AHR: variants seen among roughly 807,000 people sequenced by gnomAD.
AHR encodes AH-receptor.
AHR carries 40 observed loss-of-function variants against 86.8 expected under a neutral mutation model. The observed-to-expected ratio is 0.46, with a 90% CI of 0.36 to 0.60. The LOEUF (loss-of-function observed/expected upper bound fraction) is 0.60, where lower values mean the gene tolerates loss of function less well. AHR is among the 20% of genes least tolerant of loss of function. AHR has a pLI of 0.00. For synonymous variants in AHR, 398 were observed against 354.9 expected (o/e 1.12, Z -1.37); for missense variants, 1,001 against 1,011.6 (o/e 0.99, Z 0.14).
chr7:17,324,788 C>T (rs894518083), intron 3 of AHR, among the ~76,000 whole-genome samples: 28 of 148,348 alleles, frequency 1.9e-4, no homozygotes, highest in South Asian at 8.5e-4. Flanking sequence ...GGTGACAATG[C>T]GAGACTCCAT....
Position 17,319,057 on chromosome 7 carries a change from C to A in AHR, c.254-3444C>A, listed in dbSNP as rs145694497. ...GTTCAAACCCATGTTGTTCAAGGGT[C>A]AGCTGTACTTTCAAATGTGTCATAT... On this transcript the variant is annotated intron_variant, in intron 2 of 10. Coordinates refer to ENST00000242057, the MANE Select transcript of AHR (RefSeq NM_001621.5). 1.1e-3 allele frequency among the ~76,000 whole-genome samples: 172 copies of A among 152,174 alleles called. 1 individual carries two copies. Among genetic ancestry groups the A allele is most frequent in the African/African-American group, 4.0e-3 (168 of 41,516 alleles).
chr7:17,303,674 C>T (rs961876904), intron 1 of AHR, among the ~76,000 whole-genome samples: 11 of 151,810 alleles, frequency 7.2e-5, no homozygotes, highest in Admixed American at 3.9e-4. Flanking sequence ...ATTTTATTCC[C>T]AACCATTTAA....
chr7:17,326,639 G>A (rs752978831), intron 3 of AHR, among the ~76,000 whole-genome samples: 13 of 152,136 alleles, frequency 8.5e-5, no homozygotes, highest in Non-Finnish European at 1.5e-4. Flanking sequence ...GTGGGATATC[G>A]TCATTATATC....
intron 7 of AHR, among the ~76,000 whole-genome samples, chr7:17,334,406 T>C (rs1782333548): frequency 6.6e-6 from 1 of 152,012 alleles, no homozygotes; most frequent in South Asian, 2.1e-4. Flanking sequence ...ATGGCACAAA[T>C]GTTATTTGAT....
chr7:17,331,210 C>T (rs953458856), intron 6 of AHR, among the ~76,000 whole-genome samples: 2 of 151,830 alleles, frequency 1.3e-5, no homozygotes, highest in African/African-American at 2.4e-5. Context: ...TTAGGCTTTC[C>T]GTTAGCTTAT....
At chr7:17,313,072 A>G (rs938218754) in intron 2 of AHR, among the ~76,000 whole-genome samples, 31 of 152,184 alleles carry the variant, frequency 2.0e-4, no homozygotes, top group South Asian at 4.1e-4. Flanking sequence ...CAGCCTAAGC[A>G]GTTTCTTAGA....
intron 1 of AHR, among the ~76,000 whole-genome samples, chr7:17,306,232 C>A (rs1285076779): frequency 6.6e-6 from 1 of 152,000 alleles, no homozygotes; most frequent in Non-Finnish European, 1.5e-5. Flanking sequence ...TTAGCGTAAT[C>A]CAAGTCAAGT....
chr7:17,314,607 GT>G (rs1311923942), intron 2 of AHR, among the ~76,000 whole-genome samples: 1 of 151,954 alleles, frequency 6.6e-6, no homozygotes, highest in African/African-American at 2.4e-5. Flanking sequence ...AATTTCAGTT[GT>G]TTTGGTATCT....
rs1782458363 is a variant in AHR at position 17,344,265 on chromosome 7, T to G, written c.*1201T>G. 2 of 152,794 alleles carry G rather than the reference T, an allele frequency of 1.3e-5. No homozygotes were observed. The highest frequency in any genetic ancestry group is 4.8e-5 in the African/African-American group (2 of 41,462). The allele number at this position is 152,794 out of a possible 1,614,324, so 9.5% of individuals were successfully genotyped here. ...ATTTGAGGAGTGTTAAGATTGCAGA[T>G]AGCAAGGTTTGGTGCAAAGTATTGT... On this transcript the variant is annotated 3_prime_UTR_variant, in exon 11 of 11. Coordinates refer to ENST00000242057, the MANE Select transcript of AHR (RefSeq NM_001621.5).
chr7:17,302,070 T>C (rs1042243534), intron 1 of AHR, among the ~76,000 whole-genome samples: 1 of 151,960 alleles, frequency 6.6e-6, no homozygotes, highest in Non-Finnish European at 1.5e-5. Context: ...AAATAGAATG[T>C]TTTTCCCTAG....
rs1251557170 is a variant in AHR at position 17,345,424 on chromosome 7, C to G, written c.*2360C>G. 6.6e-6 allele frequency: 1 copy of G among 152,462 alleles called. No homozygotes were observed. 9.4% of individuals were successfully genotyped at this position (152,462 alleles called of 1,614,324 possible). On this transcript the variant is annotated 3_prime_UTR_variant, in exon 11 of 11. Coordinates refer to ENST00000242057, the MANE Select transcript of AHR (RefSeq NM_001621.5). The stretch of plus-strand genomic sequence containing the variant: ...GAGTTCTGTGTATTTTCAGTCAAAA[C>G]TTTAAACCTGTAGAATCAATTTAAG...
In AHR at chr7:17,339,615, C is replaced by T. The variant is rs1782396652; in HGVS notation, c.1790C>T (p.Ser597Leu). The T allele has an allele frequency of 6.2e-7, 1 of 1,613,982 alleles. No homozygotes were observed. Among genetic ancestry groups the T allele is most frequent in the Non-Finnish European group, 8.5e-7 (1 of 1,180,050 alleles). ...TTAAGTAAGTCTCCCTTCATACCTT[C>T]AGATTATCAACAGCAACAGTCCTTG... Reference protein sequence around the residue: ...DSLSKSPFIPSDYQQQQSLAL... With the variant: ...DSLSKSPFIPLDYQQQQSLAL... Residue 597 changes from serine (S) to leucine (L), a missense_variant, in exon 10 of 11, where the codon TCA becomes TTA. Physicochemically the swap from Ser to Leu is moderately radical, Grantham distance 145. Coordinates refer to ENST00000242057, the MANE Select transcript of AHR (RefSeq NM_001621.5).
At chr7:17,341,121 A>G (rs1782419278) in intron 10 of AHR, among the ~76,000 whole-genome samples, 1 of 152,160 alleles carries the variant, frequency 6.6e-6, no homozygotes, top group Non-Finnish European at 1.5e-5. Flanking sequence ...GAATATCTTG[A>G]CTAAAATTAA....
chr7:17,338,987 G>A lies in AHR; in HGVS notation c.1162G>A (p.Asp388Asn), dbSNP rs1782386133. 6.3e-7 allele frequency: 1 copy of A among 1,593,160 alleles called. No homozygotes were observed. The highest frequency in any genetic ancestry group is 1.3e-5 in the African/African-American group (1 of 74,098). ...AGACTTTTTTGTACACAATTTTAGA[G>A]ATGAGGAAGGAACAGAGCATTTACG... ...YIIVTQRPLT[D>N]EEGTEHLRKR... The change falls in exon 10 of 11, where the codon GAT becomes AAT. Residue 388 changes from aspartate to asparagine, a missense_variant and splice_region_variant. Asp to Asn is a conservative substitution (Grantham distance 23). Coordinates refer to ENST00000242057, the MANE Select transcript of AHR (RefSeq NM_001621.5).
intron 2 of AHR, among the ~76,000 whole-genome samples, chr7:17,321,901 A>G (rs2115359058): frequency 6.6e-6 from 1 of 152,080 alleles, no homozygotes; most frequent in East Asian, 1.9e-4. Context: ...GATTATAAAG[A>G]CATTAATTCT....
At chr7:17,311,692 A>G (rs1413171427) in intron 2 of AHR, among the ~76,000 whole-genome samples, 1 of 152,204 alleles carries the variant, frequency 6.6e-6, no homozygotes, top group Non-Finnish European at 1.5e-5. Context: ...TCTCTGACCT[A>G]TATAAAAAGT....
At chr7:17,326,011 C>T (rs932718747) in intron 3 of AHR, among the ~76,000 whole-genome samples, 5 of 152,126 alleles carry the variant, frequency 3.3e-5, no homozygotes, top group African/African-American at 1.2e-4. Context: ...CACATAAAGG[C>T]AGCATATCAT....
Position 17,329,949 on chromosome 7 carries a change from T to C in AHR, c.451-3T>C, listed in dbSNP as rs1268019994. The C allele has an allele frequency of 6.3e-7, 1 of 1,597,428 alleles. No individual in the cohort carries two copies. Among genetic ancestry groups the C allele is most frequent in the African/African-American group, 1.3e-5 (1 of 74,104 alleles). ...TTGTATTCCTTGTATCTTTTTTCTTTAGTCTGATGTCATACATCAGAGTGT... is the reference window on the plus strand; with the variant it reads ...TTGTATTCCTTGTATCTTTTTTCTTCAGTCTGATGTCATACATCAGAGTGT... On this transcript the variant is annotated splice_region_variant and splice_polypyrimidine_tract_variant and intron_variant, in intron 4 of 10. Coordinates refer to ENST00000242057, the MANE Select transcript of AHR (RefSeq NM_001621.5).
chr7:17,298,973 C>A lies in AHR; in HGVS notation c.-292C>A, dbSNP rs1781922319. 4.5e-6 allele frequency: 2 copies of A among 444,238 alleles called. No individual in the cohort carries two copies. Among genetic ancestry groups the A allele is most frequent in the Non-Finnish European group, 7.8e-6 (2 of 255,878 alleles). The allele number at this position is 444,238 out of a possible 1,614,324, so 27.5% of individuals were successfully genotyped here. ...ACCTGCGGGCATTGCCGCGCCGCCTCCGCCGGTGTAGACGGCACCTGCGCC... is the reference window on the plus strand; with the variant it reads ...ACCTGCGGGCATTGCCGCGCCGCCTACGCCGGTGTAGACGGCACCTGCGCC... On this transcript the variant is annotated 5_prime_UTR_variant, in exon 1 of 11. Coordinates refer to ENST00000242057, the MANE Select transcript of AHR (RefSeq NM_001621.5).
Sources: allele counts gnomAD v4.1 joint callset (sites outside exome capture counted in the v4.1 genomes callset), GRCh38; gene constraint gnomAD v4.1.1; transcripts MANE v1.5; gene names NCBI Gene and HGNC (gene_info 2026-07-23, HGNC 2026-07-21).